The following GFOD1 variants were observed in gnomAD, a reference collection of about 807,000 sequenced individuals.
The protein encoded by GFOD1 is glucose-fructose oxidoreductase domain-containing protein 1.
Under a neutral mutation model 25.4 loss-of-function variants are expected in GFOD1, and 9 were observed. The ratio of observed to expected loss-of-function variants is 0.35; its 90% confidence interval spans 0.21 to 0.62. GFOD1 has a LOEUF of 0.62. GFOD1 is among the 20% of genes least tolerant of loss of function. GFOD1 has a pLI of 0.72. For synonymous variants in GFOD1, 253 were observed against 245.6 expected (o/e 1.03, Z -0.28); for missense variants, 403 against 556.9 (o/e 0.72, Z 2.78).
intron 1 of GFOD1, among the ~76,000 whole-genome samples, chr6:13,394,960 T>G (rs1785698335): frequency 1.3e-5 from 2 of 152,058 alleles, no homozygotes; most frequent in Admixed American, 1.3e-4. Flanking sequence ...TTTTAAAAAA[T>G]TTTGTAGAGA....
At chr6:13,438,811 GCCAGTAAAAAC>G (rs958371528) in intron 1 of GFOD1, among the ~76,000 whole-genome samples, 1 of 152,124 alleles carries the variant, frequency 6.6e-6, no homozygotes, top group African/African-American at 2.4e-5. Flanking sequence ...ACTAATAAAT[GCCAGTAAAAAC>G]CCCTGAATAA....
intron 1 of GFOD1, among the ~76,000 whole-genome samples, chr6:13,425,941 A>G (rs1786344379): frequency 6.6e-6 from 1 of 152,106 alleles, no homozygotes; most frequent in Non-Finnish European, 1.5e-5. Flanking sequence ...ACATTTTAAG[A>G]AAGTTTACGA....
intron 1 of GFOD1, among the ~76,000 whole-genome samples, chr6:13,454,864 C>T (rs1483995615): frequency 6.6e-6 from 1 of 152,148 alleles, no homozygotes; most frequent in Non-Finnish European, 1.5e-5. Flanking sequence ...GACACCAGAG[C>T]AAGAGTTTCG....
At chr6:13,379,185 T>C (rs1159962795) in intron 1 of GFOD1, among the ~76,000 whole-genome samples, 2 of 152,052 alleles carry the variant, frequency 1.3e-5, no homozygotes, top group African/African-American at 4.8e-5. Flanking sequence ...TAATTGAGTG[T>C]TTGTGTGTTT....
intron 1 of GFOD1, among the ~76,000 whole-genome samples, chr6:13,475,088 C>T (rs563200076): frequency 6.6e-6 from 1 of 152,212 alleles, no homozygotes; most frequent in South Asian, 2.1e-4. Flanking sequence ...CCAATGCTTA[C>T]AAATCAATAA....
intron 1 of GFOD1, chr6:13,469,898 G>GT (rs1460083457): frequency 1.8e-5 from 23 of 1,286,496 alleles, no homozygotes; most frequent in Non-Finnish European, 2.4e-5. Context: ...CTGGCACATG[G>GT]TAAGTACTCC....
At chr6:13,412,450 T>C (rs1291017406) in intron 1 of GFOD1, among the ~76,000 whole-genome samples, 1 of 152,148 alleles carries the variant, frequency 6.6e-6, no homozygotes, top group Non-Finnish European at 1.5e-5. Context: ...AGAAGATAAA[T>C]TTCCTTGTTT....
At chr6:13,427,963 G>T (rs1757673041) in intron 1 of GFOD1, among the ~76,000 whole-genome samples, 1 of 152,050 alleles carries the variant, frequency 6.6e-6, no homozygotes, top group South Asian at 2.1e-4. Flanking sequence ...GAGAAAAATC[G>T]CAAGTCCCCG....
At chr6:13,390,333 G>A (rs1403718045) in intron 1 of GFOD1, among the ~76,000 whole-genome samples, 2 of 152,096 alleles carry the variant, frequency 1.3e-5, no homozygotes, top group Non-Finnish European at 2.9e-5. Context: ...GCTCAGGCCT[G>A]TAATCCCAGC....
At chr6:13,470,058 ACT>A (rs1469362452) in intron 1 of GFOD1, 2 of 1,381,242 alleles carry the variant, frequency 1.4e-6, no homozygotes, top group Non-Finnish European at 1.9e-6. Flanking sequence ...CATTGTAGCC[ACT>A]CAGTAAATGG....
intron 1 of GFOD1, among the ~76,000 whole-genome samples, chr6:13,409,175 G>GAAAAGAAAGAAAGGAA (rs1562209541): frequency 3.0e-5 from 1 of 33,610 alleles, no homozygotes; most frequent in Non-Finnish European, 9.6e-5. Context: ...AGGAAAGAGA[G>GAAAAGAAAGAAAGGAA]AGAGAGAGAG....
chr6:13,485,202 T>G (rs1487729397), intron 1 of GFOD1, among the ~76,000 whole-genome samples: 1 of 152,246 alleles, frequency 6.6e-6, no homozygotes, highest in East Asian at 1.9e-4. Context: ...ATGTTGCATC[T>G]GAGTCAATAG....
At chr6:13,482,488 T>C (rs1239502463) in intron 1 of GFOD1, among the ~76,000 whole-genome samples, 1 of 152,222 alleles carries the variant, frequency 6.6e-6, no homozygotes, top group African/African-American at 2.4e-5. Context: ...GGCTCACACC[T>C]GTAATCCCAG....
chr6:13,426,895 G>A (rs1303446678), intron 1 of GFOD1, among the ~76,000 whole-genome samples: 3 of 152,190 alleles, frequency 2.0e-5, no homozygotes, highest in African/African-American at 7.2e-5. Flanking sequence ...GAAGGCTGGG[G>A]TTTGAGTCTC....
At chr6:13,423,925 T>C (rs1786305898) in intron 1 of GFOD1, among the ~76,000 whole-genome samples, 1 of 152,204 alleles carries the variant, frequency 6.6e-6, no homozygotes, top group Non-Finnish European at 1.5e-5. Flanking sequence ...ATGGCGTGAT[T>C]GTGGCTCACC....
chr6:13,487,053 C>T lies in GFOD1; in HGVS notation c.-163G>A. The T allele has an allele frequency of 1.3e-6, 1 of 798,904 alleles. No individual in the cohort carries two copies. The highest frequency in any genetic ancestry group is 2.9e-5 in the Admixed American group (1 of 33,966). The allele number at this position is 798,904 out of a possible 1,614,324, so 49.5% of individuals were successfully genotyped here. On this transcript the variant is annotated 5_prime_UTR_variant, in exon 1 of 2. Transcript: ENST00000379287. This position sits in a 1 kb window ranked among gnomAD's most constrained non-coding sequence, Gnocchi z 4.9. ...AGGCGCCCGGGTGCCCAGAGCGCAC[C>T]GAGCTGCAGGCGGAGCAAGCTCGGG...
intron 1 of GFOD1, among the ~76,000 whole-genome samples, chr6:13,417,761 A>G (rs1248191175): frequency 6.6e-6 from 1 of 152,230 alleles, no homozygotes; most frequent in Non-Finnish European, 1.5e-5. Context: ...TTCCCGGAAT[A>G]TGGATTCTTT....
chr6:13,404,349 A>AC (rs1785906845), intron 1 of GFOD1, among the ~76,000 whole-genome samples: 1 of 152,188 alleles, frequency 6.6e-6, no homozygotes, highest in Admixed American at 6.5e-5. Flanking sequence ...AGCCAGGAAG[A>AC]CCGAGGAACT....
intron 1 of GFOD1, among the ~76,000 whole-genome samples, chr6:13,442,120 G>A (rs1404976723): frequency 2.6e-5 from 4 of 152,214 alleles, no homozygotes; most frequent in African/African-American, 9.6e-5. Context: ...ACAGACAGTG[G>A]CCAAGGCCGG....
Sources: gnomAD v4.1 joint callset for allele counts (sites outside exome capture counted in the v4.1 genomes callset) on GRCh38, gnomAD v4.1.1 for gene constraint, Gnocchi (gnomAD v3.1) non-coding constraint, MANE v1.5 for transcripts, NCBI Gene and HGNC (gene_info 2026-07-23, HGNC 2026-07-21) for gene names.